ART3: variants seen among roughly 807,000 people sequenced by gnomAD.
ART3 encodes the protein ecto-ADP-ribosyltransferase 3.
Under a neutral mutation model 48.5 loss-of-function variants are expected in ART3, and 49 were observed. The observed-to-expected ratio is 1.01, with a 90% CI of 0.80 to 1.28. ART3 has a LOEUF of 1.28. Among genes scored for constraint, ART3 ranks in the 50% most tolerant of loss-of-function variants. The pLI, the probability that ART3 is intolerant of heterozygous loss-of-function variation, is 0.00. For missense variants in ART3, 438 were observed against 454.3 expected, an observed-to-expected ratio of 0.96 and a Z score of 0.33; for synonymous variants, 145 against 157.2, an observed-to-expected ratio of 0.92 and a Z score of 0.58.
intron 1 of ART3, among the ~76,000 whole-genome samples, chr4:76,056,665 A>G (rs1718721737): frequency 6.6e-6 from 1 of 152,210 alleles, no homozygotes; most frequent in Admixed American, 6.5e-5. Context: ...GCTGAGGAGG[A>G]GAAAGAAATG....
intron 10 of ART3, chr4:76,105,810 G>C (rs1197749242): frequency 1.0e-6 from 1 of 985,208 alleles, no homozygotes; most frequent in African/African-American, 1.7e-5. Flanking sequence ...CTTCCAGCTG[G>C]GCCTGTCTAT....
chr4:76,076,893 C>G (rs1477281699), intron 2 of ART3, among the ~76,000 whole-genome samples: 1 of 151,930 alleles, frequency 6.6e-6, no homozygotes, highest in African/African-American at 2.4e-5. Context: ...TATTTGTGCA[C>G]CATTTTAGAT....
chr4:76,031,253 C>T lies in ART3; in HGVS notation c.-10+19933C>T, dbSNP rs570998166. On this transcript the variant is annotated intron_variant, in intron 1 of 9. Transcript: ENST00000341029. ...ATTTTATTTCCATGGCATGTATTAC[C>T]GATTTTACATGTACAGTAGTGAAAG... 9.2e-4 allele frequency among the ~76,000 whole-genome samples: 140 copies of T among 151,554 alleles called. 1 individual carries two copies. Among genetic ancestry groups the T allele is most frequent in the African/African-American group, 3.2e-3 (134 of 41,296 alleles).
intron 1 of ART3, chr4:76,035,341 G>A (rs1327557155): frequency 1.9e-6 from 3 of 1,613,720 alleles, no homozygotes; most frequent in Non-Finnish European, 2.5e-6. Flanking sequence ...ACATGGGGAA[G>A]CCTAGAATAG....
intron 1 of ART3, among the ~76,000 whole-genome samples, chr4:76,064,227 G>A (rs1719496870): frequency 6.6e-6 from 1 of 152,042 alleles, no homozygotes; most frequent in African/African-American, 2.4e-5. Context: ...GGTACACGAT[G>A]GAGACAAATA....
chr4:76,081,997 G>T lies in ART3; in HGVS notation c.243G>T (p.Lys81Asn), dbSNP rs765337035. The change falls in exon 3 of 12, where the codon AAG becomes AAT. Residue 81 changes from lysine (K) to asparagine (N), a missense_variant. Lys to Asn is a moderately conservative substitution (Grantham distance 94, BLOSUM62 0). Transcript: ENST00000355810. ...CAAAAGCCAAATGGGCAGCCCGAAA[G>T]ACTCAAATCTTTCTCCCTATGAATT... The part of the protein sequence containing the change: ...ENAKAKWAAR[K>N]TQIFLPMNFK... 1 of 1,614,062 alleles carries T rather than the reference G, an allele frequency of 6.2e-7. No homozygotes were observed. Among genetic ancestry groups the T allele is most frequent in the Non-Finnish European group, 8.5e-7 (1 of 1,180,044 alleles).
chr4:76,047,727 C>T (rs4373188), intron 1 of ART3, among the ~76,000 whole-genome samples: 93,714 of 151,644 alleles, frequency 0.62, 30,323 homozygotes, highest in East Asian at 0.94. Flanking sequence ...GCTGTCATTC[C>T]ATCATTTACT....
At chr4:76,023,516 G>C in intron 1 of ART3, 2 of 1,240,566 alleles carry the variant, frequency 1.6e-6, no homozygotes, top group Non-Finnish European at 2.4e-6. Flanking sequence ...TGGGGCTAGT[G>C]TGCCATATTT....
chr4:76,013,225 A>G (rs1054909220), intron 1 of ART3, among the ~76,000 whole-genome samples: 1 of 152,202 alleles, frequency 6.6e-6, no homozygotes, highest in African/African-American at 2.4e-5. Flanking sequence ...AGTTGGGGGA[A>G]TATTCTAAGC....
chr4:76,036,499 A>G (rs1734425055), intron 1 of ART3, among the ~76,000 whole-genome samples: 1 of 152,092 alleles, frequency 6.6e-6, no homozygotes. Context: ...TATAATAGAT[A>G]AGGCCTATAT....
intron 2 of ART3, among the ~76,000 whole-genome samples, chr4:76,078,869 G>A (rs150689436): frequency 0.13 from 19,103 of 151,952 alleles, 2,224 homozygotes; most frequent in African/African-American, 0.31. Flanking sequence ...TCACGAGGTC[G>A]GGAGATCGAG....
intron 3 of ART3, among the ~76,000 whole-genome samples, chr4:76,085,991 G>A (rs1723462777): frequency 6.6e-6 from 1 of 151,954 alleles, no homozygotes; most frequent in Non-Finnish European, 1.5e-5. Flanking sequence ...AGAATTGCTT[G>A]AACCCAGGAA....
upstream of ART3, among the ~76,000 whole-genome samples, chr4:76,072,033 T>C (rs1236589718): frequency 6.6e-6 from 1 of 152,154 alleles, no homozygotes; most frequent in East Asian, 1.9e-4. Flanking sequence ...CTTCCTGTCT[T>C]AGCCTCCCAA....
At chr4:76,042,877 C>G (rs1039997800) in intron 1 of ART3, among the ~76,000 whole-genome samples, 9 of 152,010 alleles carry the variant, frequency 5.9e-5, no homozygotes, top group Non-Finnish European at 1.2e-4. Context: ...CTTTTATTCT[C>G]TTATCTGGCC....
intron 1 of ART3, among the ~76,000 whole-genome samples, chr4:76,049,756 C>T (rs1022769892): frequency 3.3e-5 from 5 of 151,946 alleles, no homozygotes; most frequent in Non-Finnish European, 2.9e-5. Flanking sequence ...TCTTACCGCT[C>T]GGCGATAGGC....
Position 76,100,329 on chromosome 4 carries a change from T to C in ART3, c.877+9T>C. ...GAAGCTTGAAGACCATAGTAAGACA[T>C]TTTTATAAATTCTGGGGGCTTGGCC... On this transcript the variant is annotated intron_variant, in intron 6 of 11. Coordinates refer to ENST00000355810, the MANE Select transcript of ART3 (RefSeq NM_001130016.3). 1 of 1,612,112 alleles carries C rather than the reference T, an allele frequency of 6.2e-7. No homozygotes were observed. Among genetic ancestry groups the C allele is most frequent in the Non-Finnish European group, 8.5e-7 (1 of 1,178,814 alleles).
At chr4:76,015,887 C>T (rs1298554697) in intron 1 of ART3, among the ~76,000 whole-genome samples, 1 of 152,168 alleles carries the variant, frequency 6.6e-6, no homozygotes, top group Admixed American at 6.5e-5. Flanking sequence ...CCTTGGCCTC[C>T]TAGAGTGCTG....
chr4:76,041,895 A>G (rs1048828153), intron 1 of ART3, among the ~76,000 whole-genome samples: 15 of 152,206 alleles, frequency 9.9e-5, no homozygotes, highest in Admixed American at 3.3e-4. Context: ...TTCTTTCTCT[A>G]AGTCATTATA....
intron 1 of ART3, among the ~76,000 whole-genome samples, chr4:76,051,619 A>C (rs1005475273): frequency 5.9e-5 from 9 of 152,120 alleles, no homozygotes; most frequent in Non-Finnish European, 1.3e-4. Context: ...GGCTGACCGC[A>C]GTATCTGCCT....
Sources: allele counts gnomAD v4.1 joint callset (sites outside exome capture counted in the v4.1 genomes callset), GRCh38; gene constraint gnomAD v4.1.1; transcripts MANE v1.5; gene names NCBI Gene and HGNC (gene_info 2026-07-23, HGNC 2026-07-21).